The following TUBGCP5 variants were observed in gnomAD, a reference collection of about 807,000 sequenced individuals.
TUBGCP5 encodes the protein tubulin gamma complex component 5, also known as gamma-tubulin complex component 5.
TUBGCP5 carries 98 observed loss-of-function variants against 134.7 expected under a neutral mutation model. The ratio of observed to expected loss-of-function variants is 0.73; its 90% CI spans 0.62 to 0.86. The LOEUF is 0.86. Ranked by LOEUF, TUBGCP5 falls within the 40% of genes least tolerant of loss-of-function variation. TUBGCP5 has a pLI of 0.00. For missense variants in TUBGCP5, 1,150 were observed against 1,244.8 expected (o/e 0.92, Z 1.15); for synonymous variants, 456 against 431.4 (o/e 1.06, Z -0.71).
chr15:23,011,257 T>C lies in TUBGCP5; in HGVS notation c.1831A>G (p.Thr611Ala). The change falls in exon 14 of 23, where the codon ACT (threonine) becomes GCT (alanine). Residue 611 changes from threonine (T) to alanine (A), a missense_variant. By Grantham distance (58) the Thr-to-Ala change is moderately conservative (BLOSUM62 0). Around this residue, in one of 2 missense-constraint regions of TUBGCP5, gnomAD observed 697 missense variants for 850.1 expected, o/e 0.82. Transcript: ENST00000615383. ...QSRLRHGEDS[T>A]PQVLTEQQAT... The stretch of plus-strand genomic sequence containing the variant: ...TGTTGCTCAGTAAGAACCTGTGGAG[T>C]GGAATCTTCTCCATGTCGAAGACGG... 6.2e-7 allele frequency: 1 copy of C among 1,613,752 alleles called. No individual in the cohort carries two copies. The highest frequency in any genetic ancestry group is 8.5e-7 in the Non-Finnish European group (1 of 1,179,926).
chr15:23,014,895 G>A (rs1049026481), intron 13 of TUBGCP5, among the ~76,000 whole-genome samples: 13 of 152,106 alleles, frequency 8.5e-5, no homozygotes, highest in Non-Finnish European at 1.8e-4. Context: ...ACAGCCCCTT[G>A]GGCCATTGCT....
At chr15:23,009,574 C>T (rs1053082052) in intron 15 of TUBGCP5, among the ~76,000 whole-genome samples, 4 of 152,008 alleles carry the variant, frequency 2.6e-5, no homozygotes, top group African/African-American at 9.7e-5. Flanking sequence ...GGCCTAATTG[C>T]CATAATTTTT....
chr15:23,031,077 T>C, intron 5 of TUBGCP5, 57 bp from the exon 6 acceptor site: 1 of 1,470,234 alleles, frequency 6.8e-7, no homozygotes, highest in South Asian at 1.5e-5. Context: ...TAAAGCTATT[T>C]ACATTAAAAG....
At chr15:23,019,886 G>T (rs1342577208) in intron 11 of TUBGCP5, among the ~76,000 whole-genome samples, 1 of 152,166 alleles carries the variant, frequency 6.6e-6, no homozygotes, top group Non-Finnish European at 1.5e-5. Flanking sequence ...ACTTGAGAGT[G>T]AAAGTGACAC....
At chr15:23,031,321 T>C (rs1158686458) in intron 5 of TUBGCP5, among the ~76,000 whole-genome samples, 1 of 148,326 alleles carries the variant, frequency 6.7e-6, no homozygotes, top group Non-Finnish European at 1.5e-5. Context: ...TTTAACTTCT[T>C]TTTTTTTTTT....
rs768330176 is a variant in TUBGCP5 at position 23,004,213 on chromosome 15, T to C, written c.2727A>G (p.Thr909=). The stretch of plus-strand genomic sequence containing the variant: ...CGACTTGATGTTGAAACTCCAGCCC[T>C]GTACTGTGTAGAATCTTGGAAGAGA... ...NYIMTRILHS[T]GLEFQHQVEE... The change falls in exon 20 of 23, where the codon ACA becomes ACG. Residue 909 remains threonine, a synonymous_variant. Transcript: ENST00000615383. The C allele has an allele frequency of 6.2e-7, 1 of 1,611,326 alleles. No homozygotes were observed. Among genetic ancestry groups the C allele is most frequent in the Non-Finnish European group, 8.5e-7 (1 of 1,179,314 alleles).
chr15:23,005,358 T>C (rs570096691), intron 19 of TUBGCP5, 74 bp downstream of exon 19: 10 of 1,499,134 alleles, frequency 6.7e-6, no homozygotes, highest in East Asian at 4.6e-5. Flanking sequence ...CTTATAAACA[T>C]AGTATGAGTA....
intron 7 of TUBGCP5, among the ~76,000 whole-genome samples, 174 bp downstream of exon 7, chr15:23,027,018 T>C (rs1424880453): frequency 6.6e-6 from 1 of 152,074 alleles, no homozygotes; most frequent in Non-Finnish European, 1.5e-5. Context: ...ATCTGACCAC[T>C]GCACTGCAGT....
At chr15:22,999,959 G>T in intron 22 of TUBGCP5, 93 bp from the exon 23 acceptor site, 1 of 1,128,750 alleles carries the variant, frequency 8.9e-7, no homozygotes, top group Non-Finnish European at 1.3e-6. Context: ...CACCCAGGCT[G>T]GAGTGCAATG....
At chr15:23,033,093 C>A (rs112994863) in intron 3 of TUBGCP5, among the ~76,000 whole-genome samples, 90 of 152,172 alleles carry the variant, frequency 5.9e-4, no homozygotes, top group African/African-American at 2.0e-3. Flanking sequence ...ATTTCTAAAA[C>A]GACGGAAATG....
Position 23,038,180 on chromosome 15 carries a change from A to G in TUBGCP5, c.147-1028T>C, listed in dbSNP as rs1018049083. Among the ~76,000 whole-genome samples the G allele has an allele frequency of 2.0e-5, 3 of 152,208 alleles. No individual in the cohort carries two copies. The South Asian group carries it at 6.2e-4, about 31-fold the overall frequency. On this transcript the variant is annotated intron_variant, in intron 1 of 22. Transcript: ENST00000615383. ...TATGTACATAGCATAGCCTATGCAA[A>G]AAATGTTTTCCATTTTTTAGTATCA... is the stretch of plus-strand genomic sequence containing the variant.
chr15:23,031,905 C>T lies in TUBGCP5; in HGVS notation c.486+45G>A, dbSNP rs746835599. ...GACCCATGAAAATCATCTATATCAC[C>T]TGGCGTGTATTTCAATTTTCAATAG... On this transcript the variant is annotated intron_variant, in intron 5 of 22. Transcript: ENST00000615383. 16 of 1,479,978 alleles carry T rather than the reference C, an allele frequency of 1.1e-5. No homozygotes were observed. The South Asian group carries it at 1.9e-4, about 17-fold the overall frequency. 91.7% of individuals were successfully genotyped at this position (1,479,978 alleles called of 1,614,324 possible).
At position 23,033,222 on chromosome 15, in the gene TUBGCP5, A is replaced by G. The variant is rs1307891500; in HGVS notation, c.310-398T>C. Among the ~76,000 whole-genome samples the G allele has an allele frequency of 2.6e-5, 4 of 151,846 alleles. No homozygotes were observed. The East Asian group carries it at 7.7e-4, about 29-fold the overall frequency. On this transcript the variant is annotated intron_variant, in intron 3 of 22. Coordinates refer to ENST00000615383, the MANE Select transcript of TUBGCP5 (RefSeq NM_052903.6). ...TCATATTTTATTTAACCAGTCCCCT[A>G]TTAATGAAATTTAGATTTTTTCCCA... is the stretch of plus-strand genomic sequence containing the variant.
intron 21 of TUBGCP5, among the ~76,000 whole-genome samples, chr15:23,001,435 C>A (rs983852821): frequency 6.6e-6 from 1 of 151,708 alleles, no homozygotes; most frequent in Non-Finnish European, 1.5e-5. Context: ...ACCTCTGCCT[C>A]CTGGGTTCAG....
intron 6 of TUBGCP5, 122 bp downstream of exon 6, chr15:23,030,763 G>T (rs2066261790): frequency 8.3e-7 from 1 of 1,203,292 alleles, no homozygotes; most frequent in Non-Finnish European, 1.1e-6. Flanking sequence ...TTAAAAATTG[G>T]TTTTATAAGG....
Position 23,039,424 on chromosome 15 carries a change from G to A in TUBGCP5, c.120C>T (p.Ala40=), listed in dbSNP as rs1379184699. 3.3e-6 allele frequency: 5 copies of A among 1,527,538 alleles called. No individual in the cohort carries two copies. The highest frequency in any genetic ancestry group is 3.5e-6 in the Non-Finnish European group (4 of 1,131,710). 94.6% of individuals were successfully genotyped at this position (1,527,538 alleles called of 1,614,324 possible). ...TGAAGTTGGACCAGGCGAAGTTTAG[G>A]GCGAGCTGGAAGTTGGGGTCTGCCT... ...QDEADPNFQL[A]LNFAWSNFRF... Residue 40 remains alanine, a synonymous_variant, in exon 1 of 23, where the codon GCC becomes GCT. Transcript: ENST00000615383.
intron 23 of TUBGCP5, chr15:22,983,667 A>G (rs1208412758): frequency 6.6e-6 from 1 of 152,162 alleles, no homozygotes; most frequent in Non-Finnish European, 1.5e-5. Flanking sequence ...AATAATAAAA[A>G]TAGAACAATT....
At chr15:23,000,750 C>G (rs1379427672) in intron 21 of TUBGCP5, 81 bp from the exon 22 acceptor site, 2 of 1,053,490 alleles carry the variant, frequency 1.9e-6, no homozygotes, top group Admixed American at 5.3e-5. Context: ...GGAGTAATTT[C>G]AAATGTATTT....
chr15:23,030,612 A>G (rs1190967888), intron 6 of TUBGCP5, among the ~76,000 whole-genome samples: 1 of 151,858 alleles, frequency 6.6e-6, no homozygotes. Context: ...AAAAAAAAAA[A>G]AAAAAAAGGA....
Sources: gnomAD v4.1 joint callset for allele counts (sites outside exome capture counted in the v4.1 genomes callset) on GRCh38, gnomAD v4.1.1 for gene constraint, gnomAD v4.1.1 regional missense constraint, MANE v1.5 for transcripts, NCBI Gene and HGNC (gene_info 2026-07-23, HGNC 2026-07-21) for gene names.